Variants in CALCOCO1 observed in about 807,000 individuals in gnomAD.
CALCOCO1 encodes the protein calcium-binding and coiled-coil domain-containing protein 1.
A neutral mutation model predicts 86.3 loss-of-function variants in CALCOCO1; 44 were observed. The ratio of observed to expected loss-of-function variants is 0.51; its 90% confidence interval spans 0.40 to 0.66. The LOEUF (loss-of-function observed/expected upper bound fraction) is 0.66, where lower values mean the gene tolerates loss of function less well. Ranked by LOEUF, CALCOCO1 falls within the 30% of genes least tolerant of loss-of-function variation. The probability of loss-of-function intolerance (pLI) is 0.00; values close to 1 mark genes in which losing one functional copy is unlikely to be tolerated. For synonymous variants in CALCOCO1, 297 were observed against 327.6 expected, an observed-to-expected ratio of 0.91 and a Z score of 1.01; for missense variants, 708 against 851.1, an observed-to-expected ratio of 0.83 and a Z score of 2.09.
chr12:53,716,444 AG>A, intron 7 of CALCOCO1, 29 bp from the exon 8 acceptor site: 1 of 1,613,956 alleles, frequency 6.2e-7, no homozygotes, highest in Non-Finnish European at 8.5e-7. Flanking sequence ...AGGTAAGGAA[AG>A]GGGTATGTGT....
chr12:53,713,573 G>C (rs1945637514), intron 13 of CALCOCO1, 128 bp downstream of exon 13: 2 of 853,504 alleles, frequency 2.3e-6, no homozygotes, highest in Non-Finnish European at 3.6e-6. Context: ...GACTGAGGTG[G>C]GAGGATCGCT....
intron 1 of CALCOCO1, among the ~76,000 whole-genome samples, chr12:53,725,513 G>T (rs184164422): frequency 9.5e-4 from 145 of 152,322 alleles, no homozygotes; most frequent in African/African-American, 3.2e-3. Context: ...AGACCCTTCT[G>T]AGGGTTCAGA....
At chr12:53,720,103 C>A (rs1450337049) in intron 6 of CALCOCO1, among the ~76,000 whole-genome samples, 3 of 152,204 alleles carry the variant, frequency 2.0e-5, no homozygotes, top group Non-Finnish European at 4.4e-5. Context: ...TGTTTTCACT[C>A]AATCAAGAGA....
intron 9 of CALCOCO1, 155 bp downstream of exon 9, chr12:53,715,638 G>C (rs1443677516): frequency 9.9e-7 from 1 of 1,010,680 alleles, no homozygotes. Flanking sequence ...TGCCTAGAAA[G>C]TAAAGTGTAC....
intron 2 of CALCOCO1, 64 bp from the exon 3 acceptor site, chr12:53,724,811 G>T: frequency 7.5e-7 from 1 of 1,339,004 alleles, no homozygotes; most frequent in East Asian, 2.5e-5. Flanking sequence ...ATGGAAGAAA[G>T]GGCTGAGGGG....
chr12:53,709,881 C>A lies in CALCOCO1; in HGVS notation c.*2063G>T, dbSNP rs1033076561. 2 of 152,176 alleles carry A rather than the reference C, an allele frequency of 1.3e-5. No homozygotes were observed. The highest frequency in any genetic ancestry group is 4.1e-4 in the South Asian group (2 of 4,828). 9.4% of individuals were successfully genotyped at this position (152,176 alleles called of 1,614,324 possible). ...TCCCAGATTCTTCTCGCCCCAACCT[C>A]CCCCAGAAAATAAATCACACATGAT... On this transcript the variant is annotated 3_prime_UTR_variant, in exon 15 of 15. Coordinates refer to ENST00000550804, the MANE Select transcript of CALCOCO1 (RefSeq NM_020898.3).
In CALCOCO1 at chr12:53,711,170, G is replaced by A; in HGVS notation, c.*774C>T. ...AACTACAAAGGGATGGATATCAGGG[G>A]GAAGCTTTTATTGCTGTGGGGGGAC... On this transcript the variant is annotated 3_prime_UTR_variant, in exon 15 of 15. Coordinates refer to ENST00000550804, the MANE Select transcript of CALCOCO1 (RefSeq NM_020898.3). The A allele has an allele frequency of 5.0e-6, 2 of 398,782 alleles. No individual in the cohort carries two copies. Among genetic ancestry groups the A allele is most frequent in the Non-Finnish European group, 8.9e-6 (2 of 225,948 alleles). The allele number at this position is 398,782 out of a possible 1,614,324, so 24.7% of individuals were successfully genotyped here.
chr12:53,723,492 G>T, intron 4 of CALCOCO1, 101 bp downstream of exon 4: 1 of 1,257,296 alleles, frequency 8.0e-7, no homozygotes, highest in Non-Finnish European at 1.2e-6. Flanking sequence ...GAGGTCTTTA[G>T]TTGGCGCCAC....
rs200633085 is a variant in CALCOCO1, at chr12:53,716,264, C to T, written c.1001G>A (p.Arg334Gln). ...MKDTLGQAQQ[R>Q]VAELEPLKEQ... ...TTGCCAAGGGGCCTCACTCACCACC[C>T]GCTGCTGGGCCTGGCCTAGGGTGTC... The change falls in exon 8 of 15, where the codon CGG (arginine) becomes CAG (glutamine). Residue 334 changes from arginine (R) to glutamine (Q), a missense_variant. Coordinates refer to ENST00000550804, the MANE Select transcript of CALCOCO1 (RefSeq NM_020898.3). 6.2e-6 allele frequency: 10 copies of T among 1,613,668 alleles called. No individual in the cohort carries two copies. The East Asian group carries it at 6.7e-5, about 11-fold the overall frequency.
Position 53,725,152 on chromosome 12 carries a change from C to T in CALCOCO1, c.91G>A (p.Glu31Lys). 2 of 1,613,350 alleles carry T rather than the reference C, an allele frequency of 1.2e-6. No homozygotes were observed. The highest frequency in any genetic ancestry group is 1.1e-5 in the South Asian group (1 of 90,952). The change falls in exon 2 of 15, where the codon GAA becomes AAA. Residue 31 changes from glutamate (E) to lysine (K), a missense_variant. Coordinates refer to ENST00000550804, the MANE Select transcript of CALCOCO1 (RefSeq NM_020898.3). ...CCTGGGGGAAGGGTGTAGTGACATT[C>T]CACCTTGGTGTTGGGGATGTAGGTC... ...ARTYIPNTKV[E>K]CHYTLPPGTM...
At chr12:53,725,380 C>T (rs1946000118) in intron 1 of CALCOCO1, 114 bp from the exon 2 acceptor site, 1 of 668,264 alleles carries the variant, frequency 1.5e-6, no homozygotes, top group Non-Finnish European at 2.4e-6. Flanking sequence ...TAAGGCATAC[C>T]TGGTTTCTAG....
At chr12:53,714,940 C>T (rs1343002036) in intron 10 of CALCOCO1, among the ~76,000 whole-genome samples, 3 of 152,154 alleles carry the variant, frequency 2.0e-5, no homozygotes, top group Non-Finnish European at 4.4e-5. Flanking sequence ...TTCCTCTAGG[C>T]TGGGGTGCAG....
rs1430213606 is a variant in CALCOCO1, at chr12:53,709,605, G to A, written c.*2339C>T. ...CAGAACAGGGCTGGAGAGAAAGGAAGGAGGTGAGAAGGACCCATGTGAAGT... is the reference window on the plus strand; with the variant it reads ...CAGAACAGGGCTGGAGAGAAAGGAAAGAGGTGAGAAGGACCCATGTGAAGT... On this transcript the variant is annotated 3_prime_UTR_variant, in exon 15 of 15. Coordinates refer to ENST00000550804, the MANE Select transcript of CALCOCO1 (RefSeq NM_020898.3). The A allele has an allele frequency of 6.6e-6, 1 of 152,476 alleles. No individual in the cohort carries two copies. Among genetic ancestry groups the A allele is most frequent in the Non-Finnish European group, 1.5e-5 (1 of 68,226 alleles). 9.4% of individuals were successfully genotyped at this position (152,476 alleles called of 1,614,324 possible).
At position 53,716,197 on chromosome 12, in the gene CALCOCO1, C is replaced by T. The variant is rs1593081960; in HGVS notation, c.1005+63G>A. On this transcript the variant is annotated intron_variant, in intron 8 of 14. Transcript: ENST00000550804. ...GTCTCTCCCCTTCTCTTTAGACACG[C>T]AGGCTTCTCTACAACTTGCCCTTGG... is the stretch of plus-strand genomic sequence containing the variant. 2.4e-5 allele frequency: 39 copies of T among 1,600,610 alleles called. No homozygotes were observed. The East Asian group carries it at 8.5e-4, about 35-fold the overall frequency.
At chr12:53,722,210 G>GTGTGCTGGTGGAGTACCCC (rs1945893320) in intron 4 of CALCOCO1, 27 bp from the exon 5 acceptor site, 1 of 1,609,740 alleles carries the variant, frequency 6.2e-7, no homozygotes, top group African/African-American at 1.3e-5. Context: ...GAGAAGGGGA[G>GTGTGCTGGTGGAGTACCCC]TGTGCTGGTG....
intron 4 of CALCOCO1, among the ~76,000 whole-genome samples, chr12:53,722,726 C>T (rs191984362): frequency 3.4e-4 from 52 of 152,256 alleles, no homozygotes; most frequent in Admixed American, 3.3e-3. Context: ...ACTACAGATG[C>T]ATGCCACTAC....
chr12:53,722,293 G>A (rs766447003), intron 4 of CALCOCO1, 110 bp from the exon 5 acceptor site: 6 of 1,258,532 alleles, frequency 4.8e-6, no homozygotes, highest in Non-Finnish European at 6.8e-6. Flanking sequence ...ACATAGCTTT[G>A]GGTTATAAAG....
At chr12:53,714,471 G>A in intron 11 of CALCOCO1, 127 bp downstream of exon 11, 1 of 727,902 alleles carries the variant, frequency 1.4e-6, no homozygotes, top group South Asian at 1.7e-5. Flanking sequence ...GCTAATAAGA[G>A]AAGCCAGGGT....
rs1159742096 is a variant in CALCOCO1 at position 53,715,918 on chromosome 12, C to T, written c.1135G>A (p.Glu379Lys). The change falls in exon 9 of 15, where the codon GAA becomes AAA. Residue 379 changes from glutamate to lysine, a missense_variant. Transcript: ENST00000550804. The part of the protein sequence containing the change: ...AAAARDRTIA[E>K]LHRSRLEVAE... Reference sequence around the variant, plus strand: ...ACTTCCAGGCGGCTGCGGTGTAGTTCGGCTATGGTGCGGTCCCTGGCTGCT... The same window carrying T: ...ACTTCCAGGCGGCTGCGGTGTAGTTTGGCTATGGTGCGGTCCCTGGCTGCT... 28 of 1,614,166 alleles carry T rather than the reference C, an allele frequency of 1.7e-5. No individual in the cohort carries two copies. The highest frequency in any genetic ancestry group is 2.1e-5 in the Non-Finnish European group (25 of 1,180,034).
Sources: allele counts gnomAD v4.1 joint callset (sites outside exome capture counted in the v4.1 genomes callset), GRCh38; gene constraint gnomAD v4.1.1; transcripts MANE v1.5; gene names NCBI Gene and HGNC (gene_info 2026-07-23, HGNC 2026-07-21).